Variants in PRKN observed in about 807,000 individuals in gnomAD.
PRKN encodes the protein E3 ubiquitin-protein ligase parkin.
PRKN carries 56 observed loss-of-function variants against 59.5 expected under a neutral mutation model. That is an observed-to-expected ratio of 0.94 (90% CI 0.76 to 1.18). PRKN has a LOEUF of 1.18. Ranked by LOEUF, PRKN falls within the 50% of genes most tolerant of loss-of-function variation. The pLI is 0.00. For synonymous variants in PRKN, 250 were observed against 222.1 expected (o/e 1.13, Z -1.12); for missense variants, 657 against 596.4 (o/e 1.10, Z -1.06).
In PRKN at chr6:162,710,374, AACACACACACACACACAC is replaced by A. The variant is rs138911423; in HGVS notation, c.7+17270_7+17287del. Among the ~76,000 whole-genome samples the A allele has an allele frequency of 1.5e-3, 187 of 125,304 alleles. 1 individual carries two copies. Among genetic ancestry groups the A allele is most frequent in the African/African-American group, 5.6e-3 (165 of 29,242 alleles). The allele number at this position is 125,304 out of a possible 152,430, so 82.2% of individuals were successfully genotyped here. On this transcript the variant is annotated intron_variant, in intron 1 of 11. Coordinates refer to ENST00000366898, the MANE Select transcript of PRKN (RefSeq NM_004562.3). Reference sequence around the variant, plus strand: ...CAGAAAGCCCCTGGCACCCCCTACAAACACACACACACACACACACACACACACACACACACACACAAC... The same window carrying A: ...CAGAAAGCCCCTGGCACCCCCTACAAACACACACACACACACACACACAAC...
intron 7 of PRKN, among the ~76,000 whole-genome samples, chr6:161,580,007 C>T (rs182587701): frequency 4.6e-5 from 7 of 152,238 alleles, no homozygotes; most frequent in Admixed American, 2.0e-4. Flanking sequence ...TATAGCATCC[C>T]TGCTTTTATA....
At chr6:161,959,641 C>G (rs1361203863) in intron 6 of PRKN, among the ~76,000 whole-genome samples, 1 of 152,130 alleles carries the variant, frequency 6.6e-6, no homozygotes, top group Non-Finnish European at 1.5e-5. Context: ...CCTCCTAACT[C>G]AAAATATTTC....
chr6:161,568,064 G>A (rs1382546914), intron 8 of PRKN, among the ~76,000 whole-genome samples: 2 of 152,100 alleles, frequency 1.3e-5, no homozygotes, highest in East Asian at 1.9e-4. Context: ...AAAATGAAGG[G>A]GATGTACTGT....
intron 9 of PRKN, among the ~76,000 whole-genome samples, chr6:161,416,558 A>C (rs960215683): frequency 2.0e-5 from 3 of 152,168 alleles, no homozygotes; most frequent in African/African-American, 7.2e-5. Flanking sequence ...AAACCCAGGC[A>C]GACCAACAGA....
chr6:161,858,751 T>C (rs1793758793), intron 6 of PRKN, among the ~76,000 whole-genome samples: 1 of 151,908 alleles, frequency 6.6e-6, no homozygotes, highest in South Asian at 2.1e-4. Context: ...CCTGAGCTTC[T>C]CTTAGGGACC....
intron 7 of PRKN, among the ~76,000 whole-genome samples, chr6:161,752,430 A>C (rs1562655878): frequency 6.6e-6 from 1 of 152,176 alleles, no homozygotes; most frequent in Non-Finnish European, 1.5e-5. Flanking sequence ...GCAGCAGCTC[A>C]TGCCAGTAAT....
chr6:162,415,159 C>A (rs923696543), intron 2 of PRKN, among the ~76,000 whole-genome samples: 1 of 152,122 alleles, frequency 6.6e-6, no homozygotes, highest in Non-Finnish European at 1.5e-5. Flanking sequence ...GGCAACCCTG[C>A]GTAATAGACT....
Position 161,484,818 on chromosome 6 carries a change from A to T in PRKN, c.1083+64036T>A, listed in dbSNP as rs769269896. On this transcript the variant is annotated intron_variant, in intron 9 of 11. Coordinates refer to ENST00000366898, the MANE Select transcript of PRKN (RefSeq NM_004562.3). This position sits in a 1 kb window ranked among gnomAD's most constrained non-coding sequence, Gnocchi z 4.9. ...ATCCCCTGGGGACAAAATCGCTGGC[A>T]ACTGAGCACCACTGCTCTGACTCAA... Among the ~76,000 whole-genome samples, 5 of 152,130 alleles carry T rather than the reference A, an allele frequency of 3.3e-5. No individual in the cohort carries two copies. Among genetic ancestry groups the T allele is most frequent in the Non-Finnish European group, 7.4e-5 (5 of 68,008 alleles).
chr6:161,942,410 A>C (rs1382662328), intron 6 of PRKN, among the ~76,000 whole-genome samples: 2 of 152,124 alleles, frequency 1.3e-5, no homozygotes, highest in Non-Finnish European at 2.9e-5. Flanking sequence ...GGATGCCTGT[A>C]ATTCCAGCTA....
chr6:162,316,766 A>C (rs532508848), intron 2 of PRKN, among the ~76,000 whole-genome samples: 8 of 152,256 alleles, frequency 5.3e-5, no homozygotes, highest in South Asian at 4.1e-4. Context: ...GGGAAAAAAA[A>C]CATGAATACG....
chr6:161,412,178 CCTCA>C (rs1787597701), intron 9 of PRKN, among the ~76,000 whole-genome samples: 1 of 149,534 alleles, frequency 6.7e-6, no homozygotes, highest in Non-Finnish European at 1.5e-5. Context: ...CTCATTCCTT[CCTCA>C]CTCATTCCTC....
At chr6:162,058,270 T>G (rs1215415923) in intron 4 of PRKN, among the ~76,000 whole-genome samples, 4 of 152,214 alleles carry the variant, frequency 2.6e-5, no homozygotes, top group African/African-American at 9.6e-5. Flanking sequence ...TTCATCTGCA[T>G]GTATCCCTGC....
intron 2 of PRKN, among the ~76,000 whole-genome samples, chr6:162,381,666 C>A (rs1014606235): frequency 2.2e-4 from 34 of 152,294 alleles, no homozygotes; most frequent in Non-Finnish European, 2.9e-5. Flanking sequence ...CTGTCCCCCC[C>A]ACTATCTCTT....
At chr6:162,372,661 G>A (rs1333618324) in intron 2 of PRKN, among the ~76,000 whole-genome samples, 5 of 151,856 alleles carry the variant, frequency 3.3e-5, no homozygotes, top group Admixed American at 6.6e-5. Context: ...TCAGCATCAC[G>A]CAATATACCC....
chr6:162,127,877 T>A (rs1781183533), intron 4 of PRKN, among the ~76,000 whole-genome samples: 2 of 152,192 alleles, frequency 1.3e-5, no homozygotes, highest in African/African-American at 4.8e-5. Flanking sequence ...TAGGTATTCA[T>A]CCCTTCACTT....
chr6:162,073,511 G>A (rs2128291478), intron 4 of PRKN, among the ~76,000 whole-genome samples: 1 of 152,254 alleles, frequency 6.6e-6, no homozygotes, highest in African/African-American at 2.4e-5. Context: ...TGAGTGCAGT[G>A]GCACGATATG....
intron 1 of PRKN, among the ~76,000 whole-genome samples, chr6:162,525,925 C>T (rs112566688): frequency 0.018 from 2,787 of 152,194 alleles, 87 homozygotes; most frequent in African/African-American, 0.063. Flanking sequence ...GCAATCACGG[C>T]CCACTGCAGC....
intron 7 of PRKN, among the ~76,000 whole-genome samples, chr6:161,699,628 T>A (rs563043303): frequency 6.6e-6 from 1 of 152,312 alleles, no homozygotes; most frequent in East Asian, 1.9e-4. Context: ...CAGGTTGTAT[T>A]ATTCTATTTA....
intron 1 of PRKN, among the ~76,000 whole-genome samples, chr6:162,456,168 CTTATTAGT>C (rs1185955522): frequency 2.0e-5 from 3 of 152,060 alleles, no homozygotes; most frequent in Non-Finnish European, 4.4e-5. Context: ...TTCCAATAAA[CTTATTAGT>C]TAGAACACGG....
Sources: gnomAD v4.1 joint callset for allele counts (sites outside exome capture counted in the v4.1 genomes callset) on GRCh38, gnomAD v4.1.1 for gene constraint, Gnocchi (gnomAD v3.1) non-coding constraint, MANE v1.5 for transcripts, NCBI Gene and HGNC (gene_info 2026-07-23, HGNC 2026-07-21) for gene names.